Variants in LRTM2 observed in about 807,000 individuals in gnomAD.
LRTM2 encodes leucine rich repeat transmembrane protein 2.
A neutral mutation model predicts 28.1 loss-of-function variants in LRTM2; 18 were observed. The ratio of observed to expected loss-of-function variants is 0.64; its 90% CI spans 0.44 to 0.95. The LOEUF is 0.95. Ranked by LOEUF, LRTM2 falls within the 40% of genes least tolerant of loss-of-function variation. The probability of loss-of-function intolerance (pLI) is 0.00; values close to 1 mark genes in which losing one functional copy is unlikely to be tolerated. For synonymous variants in LRTM2, 250 were observed against 218.7 expected, an observed-to-expected ratio of 1.14 and a Z score of -1.26; for missense variants, 436 against 497.2, an observed-to-expected ratio of 0.88 and a Z score of 1.17.
chr12:1,823,053 C>T (rs1864173376), intron 1 of LRTM2, among the ~76,000 whole-genome samples: 2 of 152,318 alleles, frequency 1.3e-5, no homozygotes, highest in East Asian at 1.9e-4. Context: ...GCCCCCTTTA[C>T]CCCTGAGTTC....
intron 1 of LRTM2, among the ~76,000 whole-genome samples, chr12:1,826,706 C>G (rs78120341): frequency 5.3e-5 from 8 of 152,080 alleles, no homozygotes; most frequent in Non-Finnish European, 1.2e-4. Flanking sequence ...CTGCCCTTGC[C>G]GGGGGCAGAG....
At chr12:1,832,295 T>C (rs1156920898) in intron 4 of LRTM2, among the ~76,000 whole-genome samples, 1 of 152,224 alleles carries the variant, frequency 6.6e-6, no homozygotes, top group African/African-American at 2.4e-5. Flanking sequence ...GGGCCTGGTC[T>C]GTAAAGTGGG....
chr12:1,827,111 G>A (rs1443911563), intron 1 of LRTM2, among the ~76,000 whole-genome samples: 8 of 152,182 alleles, frequency 5.3e-5, no homozygotes, highest in Non-Finnish European at 8.8e-5. Flanking sequence ...AGAGGGGTGC[G>A]GGCATCCTCC....
rs369847162 is a variant in LRTM2, at chr12:1,828,327, C to G, written c.67+112C>G. 7 of 949,910 alleles carry G rather than the reference C, an allele frequency of 7.4e-6. No homozygotes were observed. The highest frequency in any genetic ancestry group is 1.0e-5 in the Non-Finnish European group (7 of 667,276). 58.8% of individuals were successfully genotyped at this position (949,910 alleles called of 1,614,324 possible). ...CACACTCAGGCTGCAGGGAGGCCTACGCCAGATCTTCCTGGGGTACCCGAG... is the reference window on the plus strand; with the variant it reads ...CACACTCAGGCTGCAGGGAGGCCTAGGCCAGATCTTCCTGGGGTACCCGAG... On this transcript the variant is annotated intron_variant, in intron 3 of 4. Transcript: ENST00000299194. This position sits in a 1 kb window ranked among gnomAD's most constrained non-coding sequence, Gnocchi z 4.2.
chr12:1,829,723 A>T lies in LRTM2; in HGVS notation c.68-1212A>T, dbSNP rs1864532748. ...CCCCGACCTGGGACAGCCAGGTCCC[A>T]GGTCCCATGTCAGGGTGGGCCGATG... On this transcript the variant is annotated intron_variant, in intron 3 of 4. Transcript: ENST00000299194. The surrounding 1 kb of genome is among the most constrained non-coding windows in gnomAD (Gnocchi z 4.2). Among the ~76,000 whole-genome samples, 1 of 143,896 alleles carries T rather than the reference A, an allele frequency of 6.9e-6. No homozygotes were observed. The highest frequency in any genetic ancestry group is 6.9e-5 in the Admixed American group (1 of 14,512). 94.4% of individuals were successfully genotyped at this position (143,896 alleles called of 152,430 possible).
At chr12:1,824,175 C>T (rs933017698) in intron 1 of LRTM2, among the ~76,000 whole-genome samples, 2 of 152,188 alleles carry the variant, frequency 1.3e-5, no homozygotes, top group African/African-American at 4.8e-5. Context: ...AGGGACAGGC[C>T]AGCATGGTCT....
In LRTM2 at chr12:1,835,408, A is replaced by G. The variant is rs1039517849; in HGVS notation, c.*687A>G. On this transcript the variant is annotated 3_prime_UTR_variant, in exon 5 of 5. Coordinates refer to ENST00000299194, the MANE Select transcript of LRTM2 (RefSeq NM_001039029.3). ...TTGCATCACCAGTGCGGTCACATGGATTGAAAGAATTAATACACACACACA... is the reference window on the plus strand; with the variant it reads ...TTGCATCACCAGTGCGGTCACATGGGTTGAAAGAATTAATACACACACACA... 1 of 152,318 alleles carries G rather than the reference A, an allele frequency of 6.6e-6. No individual in the cohort carries two copies. Among genetic ancestry groups the G allele is most frequent in the Non-Finnish European group, 1.5e-5 (1 of 68,282 alleles). The allele number at this position is 152,318 out of a possible 1,614,324, so 9.4% of individuals were successfully genotyped here.
chr12:1,835,053 C>A lies in LRTM2; in HGVS notation c.*332C>A. 3.6e-6 allele frequency: 1 copy of A among 279,978 alleles called. No homozygotes were observed. The highest frequency in any genetic ancestry group is 6.7e-6 in the Non-Finnish European group (1 of 148,942). The allele number at this position is 279,978 out of a possible 1,614,324, so 17.3% of individuals were successfully genotyped here. Reference sequence around the variant, plus strand: ...GGGCATTCCCCTGTCGCCCTTCCTGCCCTGGGGTGGCCATAGCTGGTGACT... The same window carrying A: ...GGGCATTCCCCTGTCGCCCTTCCTGACCTGGGGTGGCCATAGCTGGTGACT... On this transcript the variant is annotated 3_prime_UTR_variant, in exon 5 of 5. Transcript: ENST00000299194.
In LRTM2 at chr12:1,831,174, T is replaced by C. The variant is rs1864609675; in HGVS notation, c.307T>C (p.Phe103Leu). Residue 103 changes from phenylalanine (F) to leucine (L), a missense_variant, in exon 4 of 5, where the codon TTC (phenylalanine) becomes CTC (leucine). By Grantham distance (22) the Phe-to-Leu change is conservative. Transcript: ENST00000299194. Reference sequence around the variant, plus strand: ...GCAGCGGTTGGACCTGTCCAACAACTTCCTGGACCGGCTGCCCCGCTCCAT... The same window carrying C: ...GCAGCGGTTGGACCTGTCCAACAACCTCCTGGACCGGCTGCCCCGCTCCAT... ...SLQRLDLSNNFLDRLPRSIFG... is the reference protein window; with the variant it reads ...SLQRLDLSNNLLDRLPRSIFG... 2 of 1,613,886 alleles carry C rather than the reference T, an allele frequency of 1.2e-6. No individual in the cohort carries two copies.
At position 1,834,810 on chromosome 12, in the gene LRTM2, C is replaced by T; in HGVS notation, c.*89C>T. The stretch of plus-strand genomic sequence containing the variant: ...GCTCCCACCTTGACCCGGCGCTGGC[C>T]ACTGCCTCCCCGAGTCCACCCTCCT... On this transcript the variant is annotated 3_prime_UTR_variant, in exon 5 of 5. Coordinates refer to ENST00000299194, the MANE Select transcript of LRTM2 (RefSeq NM_001039029.3). The surrounding 1 kb of genome is among the most constrained non-coding windows in gnomAD (Gnocchi z 7.6). The T allele has an allele frequency of 6.9e-7, 1 of 1,459,422 alleles. No homozygotes were observed. The highest frequency in any genetic ancestry group is 9.0e-7 in the Non-Finnish European group (1 of 1,109,318). 90.4% of individuals were successfully genotyped at this position (1,459,422 alleles called of 1,614,324 possible). A position where few individuals can be genotyped will look rare whatever the true frequency, so the allele number is the denominator to read the frequency against.
At position 1,828,192 on chromosome 12, in the gene LRTM2, C is replaced by T. The variant is rs368354192; in HGVS notation, c.44C>T (p.Ala15Val). ...AGCCCTGGGCAGAGGGGCAGGCTCG[C>T]CCTGCAGTGGAGGCAAGTCTCCTGT... ...GSSPGQRGRL[A>V]LQWRQVSWIT... Residue 15 changes from alanine to valine, a missense_variant, in exon 3 of 5, where the codon GCC (alanine) becomes GTC (valine). Coordinates refer to ENST00000299194, the MANE Select transcript of LRTM2 (RefSeq NM_001039029.3). This position sits in a 1 kb window ranked among gnomAD's most constrained non-coding sequence, Gnocchi z 4.2. 6.3e-5 allele frequency: 98 copies of T among 1,546,992 alleles called. No individual in the cohort carries two copies. Among genetic ancestry groups the T allele is most frequent in the East Asian group, 2.0e-4 (8 of 40,712 alleles).
rs1864069253 is a variant in LRTM2 at position 1,820,815 on chromosome 12, G to A, written c.-259+1G>A. ...GCGTTTGCAGTCAGAGTAAAGACGG[G>A]TGAGTACCGAGTGGCTGGTAGGAAG... is the stretch of plus-strand genomic sequence containing the variant. On this transcript the variant is annotated splice_donor_variant, in intron 1 of 4. Coordinates refer to ENST00000299194, the MANE Select transcript of LRTM2 (RefSeq NM_001039029.3). LOFTEE classifies it low-confidence loss of function (5UTR_SPLICE). The surrounding 1 kb of genome is among the most constrained non-coding windows in gnomAD (Gnocchi z 6.0). 6.6e-6 allele frequency: 1 copy of A among 152,436 alleles called. No individual in the cohort carries two copies. The highest frequency in any genetic ancestry group is 2.1e-4 in the South Asian group (1 of 4,838). 9.4% of individuals were successfully genotyped at this position (152,436 alleles called of 1,614,324 possible).
chr12:1,824,744 G>A (rs1167985961), intron 1 of LRTM2, among the ~76,000 whole-genome samples: 3 of 152,208 alleles, frequency 2.0e-5, no homozygotes, highest in African/African-American at 2.4e-5. Context: ...CCTTAAGGAG[G>A]CTCCACTCTT....
Position 1,828,786 on chromosome 12 carries a change from T to C in LRTM2, c.67+571T>C, listed in dbSNP as rs78967508. On this transcript the variant is annotated intron_variant, in intron 3 of 4. Transcript: ENST00000299194. The surrounding 1 kb of genome is among the most constrained non-coding windows in gnomAD (Gnocchi z 4.2). ...GGGAGTGGGTCCAACCCCTCCTGCATATAGGCAGACTGAGCCGTCCATTTA... is the reference window on the plus strand; with the variant it reads ...GGGAGTGGGTCCAACCCCTCCTGCACATAGGCAGACTGAGCCGTCCATTTA... Among the ~76,000 whole-genome samples the C allele has an allele frequency of 0.044, 6,687 of 152,226 alleles. 226 individuals carry two copies. Among genetic ancestry groups the C allele is most frequent in the Middle Eastern group, 0.11 (33 of 294 alleles).
intron 1 of LRTM2, chr12:1,823,209 G>C (rs1324360357): frequency 6.6e-6 from 1 of 152,590 alleles, no homozygotes. Flanking sequence ...TGTGTGTCTT[G>C]GATGCTTGAT....
intron 3 of LRTM2, among the ~76,000 whole-genome samples, chr12:1,830,437 G>C (rs1864570358): frequency 6.6e-6 from 1 of 152,248 alleles, no homozygotes; most frequent in Admixed American, 6.5e-5. Context: ...ACAGAGGGGA[G>C]GGAGCCAGCA....
chr12:1,834,391 G>T lies in LRTM2; in HGVS notation c.783G>T (p.Gly261=). The change falls in exon 5 of 5, where the codon GGG becomes GGT. Residue 261 remains glycine, a synonymous_variant. Coordinates refer to ENST00000299194, the MANE Select transcript of LRTM2 (RefSeq NM_001039029.3). The surrounding 1 kb of genome is among the most constrained non-coding windows in gnomAD (Gnocchi z 7.6). ...TGGAGGACGAGAATAGCTCAGCTGGGCTGGATATTCCTGGGCCACCCTGCA... is the reference window on the plus strand; with the variant it reads ...TGGAGGACGAGAATAGCTCAGCTGGTCTGGATATTCCTGGGCCACCCTGCA... ...SQLEDENSSA[G]LDIPGPPCTK... 1 of 1,613,148 alleles carries T rather than the reference G, an allele frequency of 6.2e-7. No homozygotes were observed. The highest frequency in any genetic ancestry group is 1.1e-5 in the South Asian group (1 of 91,080).
chr12:1,829,185 G>C lies in LRTM2; in HGVS notation c.67+970G>C, dbSNP rs182640073. Among the ~76,000 whole-genome samples the C allele has an allele frequency of 5.9e-5, 9 of 152,168 alleles. No homozygotes were observed. The highest frequency in any genetic ancestry group is 6.5e-5 in the Admixed American group (1 of 15,288). ...AGGGAGGTGGGGGGCGCAGGGAGTC[G>C]CTCTTCCGCAGCGGCTCTCTTAGCC... is the stretch of plus-strand genomic sequence containing the variant. On this transcript the variant is annotated intron_variant, in intron 3 of 4. Coordinates refer to ENST00000299194, the MANE Select transcript of LRTM2 (RefSeq NM_001039029.3). This position sits in a 1 kb window ranked among gnomAD's most constrained non-coding sequence, Gnocchi z 4.2.
At chr12:1,832,457 A>G (rs190873042) in intron 4 of LRTM2, among the ~76,000 whole-genome samples, 1 of 152,328 alleles carries the variant, frequency 6.6e-6, no homozygotes, top group East Asian at 1.9e-4. Context: ...TACTAAGTGG[A>G]CTTGAAACAC....
Sources: allele counts gnomAD v4.1 joint callset (sites outside exome capture counted in the v4.1 genomes callset), GRCh38; gene constraint gnomAD v4.1.1; non-coding constraint Gnocchi (gnomAD v3.1); transcripts MANE v1.5; gene names NCBI Gene and HGNC (gene_info 2026-07-23, HGNC 2026-07-21).